Variants in CTNNA3 observed in about 807,000 individuals in gnomAD.
The protein encoded by CTNNA3 is catenin alpha-3.
Under a neutral mutation model 95.7 loss-of-function variants are expected in CTNNA3, and 76 were observed. The observed-to-expected ratio is 0.79, with a 90% confidence interval of 0.66 to 0.96. CTNNA3 has a LOEUF of 0.96. CTNNA3 is among the 40% of genes least tolerant of loss of function. CTNNA3 has a pLI of 0.00. For missense variants in CTNNA3, 1,191 were observed against 1,089.8 expected, an observed-to-expected ratio of 1.09 and a Z score of -1.31; for synonymous variants, 431 against 374.4, an observed-to-expected ratio of 1.15 and a Z score of -1.74.
chr10:66,414,532 T>C (rs139238566), intron 11 of CTNNA3, among the ~76,000 whole-genome samples: 9 of 152,182 alleles, frequency 5.9e-5, no homozygotes, highest in African/African-American at 2.2e-4. Context: ...GAAACTAACA[T>C]AGGGAGTTGC....
chr10:66,494,217 T>C (rs1840028660), intron 11 of CTNNA3, among the ~76,000 whole-genome samples: 1 of 152,182 alleles, frequency 6.6e-6, no homozygotes, highest in Non-Finnish European at 1.5e-5. Flanking sequence ...CAAACTACAG[T>C]ATTATTAATG....
chr10:66,396,554 G>A (rs1299070152), intron 11 of CTNNA3, among the ~76,000 whole-genome samples: 1 of 151,994 alleles, frequency 6.6e-6, no homozygotes, highest in Non-Finnish European at 1.5e-5. Context: ...AATGAACTCA[G>A]TTTACAGCAG....
intron 14 of CTNNA3, among the ~76,000 whole-genome samples, chr10:66,099,060 T>G (rs2081510885): frequency 6.6e-6 from 1 of 152,150 alleles, no homozygotes; most frequent in Non-Finnish European, 1.5e-5. Context: ...AAAATGATAA[T>G]AAATAACTGT....
In CTNNA3 at chr10:67,149,584, C is replaced by CA. The variant is rs1861003289; in HGVS notation, c.1047+30732dup. Among the ~76,000 whole-genome samples the CA allele has an allele frequency of 3.3e-5, 5 of 151,820 alleles. No homozygotes were observed. In the South Asian group the frequency reaches 8.3e-4, roughly 25 times the overall value. ...TGGGCAACAGAGATAGACTCCGTCTCAAAAAACAAAAAGAAAGTCAAAAGA... is the reference window on the plus strand; with the variant it reads ...TGGGCAACAGAGATAGACTCCGTCTCAAAAAAACAAAAAGAAAGTCAAAAGA... On this transcript the variant is annotated intron_variant, in intron 7 of 17. Transcript: ENST00000433211.
rs1845852232 is a variant in CTNNA3 at position 66,903,634 on chromosome 10, G to T, written c.1048-128110C>A. Among the ~76,000 whole-genome samples the T allele has an allele frequency of 2.0e-5, 3 of 152,104 alleles. No individual in the cohort carries two copies. In the South Asian group the frequency reaches 6.2e-4, roughly 32 times the overall value. ...GATTATATATTTAGAAAACCCCCTT[G>T]TCTCAGCCCAAAATATCCTTAAGCT... On this transcript the variant is annotated intron_variant, in intron 7 of 17. Transcript: ENST00000433211.
chr10:67,334,205 C>A, intron 5 of CTNNA3: 1 of 157,452 alleles, frequency 6.4e-6, no homozygotes, highest in South Asian at 1.8e-4. Flanking sequence ...GGTGAATCCC[C>A]TGTTTGAGAA....
intron 9 of CTNNA3, among the ~76,000 whole-genome samples, chr10:66,677,137 G>A (rs1846887053): frequency 6.6e-6 from 1 of 152,116 alleles, no homozygotes; most frequent in African/African-American, 2.4e-5. Context: ...GTTTGTAAAT[G>A]ACTGGTTTGA....
intron 17 of CTNNA3, among the ~76,000 whole-genome samples, chr10:65,943,249 AG>A (rs2077457387): frequency 6.6e-6 from 1 of 152,062 alleles, no homozygotes; most frequent in Non-Finnish European, 1.5e-5. Context: ...TATTTTTAGT[AG>A]AGACGGAGTT....
At chr10:67,320,809 G>A (rs1044497078) in intron 5 of CTNNA3, among the ~76,000 whole-genome samples, 3 of 152,128 alleles carry the variant, frequency 2.0e-5, no homozygotes, top group Non-Finnish European at 4.4e-5. Context: ...AGAATTTGGG[G>A]GAGATTACAA....
At chr10:66,985,816 C>A (rs773261560) in intron 7 of CTNNA3, among the ~76,000 whole-genome samples, 1 of 152,248 alleles carries the variant, frequency 6.6e-6, no homozygotes, top group Non-Finnish European at 1.5e-5. Flanking sequence ...CAATCTTCAC[C>A]TCCTGGGTTC....
At chr10:67,260,108 T>C (rs966173925) in intron 5 of CTNNA3, among the ~76,000 whole-genome samples, 1 of 152,168 alleles carries the variant, frequency 6.6e-6, no homozygotes, top group African/African-American at 2.4e-5. Context: ...CTGCGCTAAA[T>C]AACAAATGAA....
intron 13 of CTNNA3, among the ~76,000 whole-genome samples, chr10:66,275,997 T>A (rs10733819): frequency 6.6e-6 from 1 of 151,948 alleles, no homozygotes; most frequent in Non-Finnish European, 1.5e-5. Context: ...AGCTGATATT[T>A]TATATTGGAC....
intron 7 of CTNNA3, among the ~76,000 whole-genome samples, chr10:67,163,472 T>G (rs1223224800): frequency 1.3e-5 from 2 of 152,030 alleles, no homozygotes; most frequent in Admixed American, 6.6e-5. Context: ...CTTCTATATC[T>G]TGATTTTTAA....
intron 11 of CTNNA3, among the ~76,000 whole-genome samples, chr10:66,467,897 A>T (rs1320469289): frequency 6.6e-6 from 1 of 152,072 alleles, no homozygotes; most frequent in African/African-American, 2.4e-5. Flanking sequence ...AGCAAAAGTA[A>T]TTATTAGTCT....
chr10:66,553,358 A>G (rs1842281044), intron 10 of CTNNA3, among the ~76,000 whole-genome samples: 1 of 148,844 alleles, frequency 6.7e-6, no homozygotes, highest in Non-Finnish European at 1.5e-5. Flanking sequence ...ATATATGTTT[A>G]TTTTATTTTT....
At chr10:66,057,192 G>A (rs994032775) in intron 15 of CTNNA3, among the ~76,000 whole-genome samples, 1 of 152,068 alleles carries the variant, frequency 6.6e-6, no homozygotes, top group African/African-American at 2.4e-5. Context: ...TCCTCTGTAA[G>A]GTCTGAATAG....
chr10:67,368,873 G>A (rs2132694217), intron 5 of CTNNA3, among the ~76,000 whole-genome samples: 1 of 152,286 alleles, frequency 6.6e-6, no homozygotes, highest in Middle Eastern at 3.4e-3. Flanking sequence ...AGACACAGGA[G>A]GCAGAAAAGG....
At chr10:66,085,153 G>A (rs1027003425) in intron 14 of CTNNA3, 1 of 152,100 alleles carries the variant, frequency 6.6e-6, no homozygotes. Context: ...TAAAAAAAGA[G>A]AGTTTAAAAG....
At chr10:66,507,931 T>G (rs548192759) in intron 11 of CTNNA3, among the ~76,000 whole-genome samples, 2 of 147,620 alleles carry the variant, frequency 1.4e-5, no homozygotes, top group African/African-American at 5.0e-5. Flanking sequence ...CTCAATAGTA[T>G]TTTCCATAAT....
Sources: gnomAD v4.1 joint callset for allele counts (sites outside exome capture counted in the v4.1 genomes callset) on GRCh38, gnomAD v4.1.1 for gene constraint, MANE v1.5 for transcripts, NCBI Gene and HGNC (gene_info 2026-07-23, HGNC 2026-07-21) for gene names.